Variants in CHD8 observed in about 807,000 individuals in gnomAD.
CHD8 encodes chromodomain helicase DNA binding protein 8.
Under a neutral mutation model 279.2 loss-of-function variants are expected in CHD8, and 31 were observed. The ratio of observed to expected loss-of-function variants is 0.11; its 90% confidence interval spans 0.08 to 0.15. The LOEUF is 0.15. Among genes scored for constraint, CHD8 ranks in the 10% least tolerant of loss-of-function variants. The pLI, the probability that CHD8 is intolerant of heterozygous loss-of-function variation, is 1.00. For missense variants in CHD8, 2,146 were observed against 3,230.5 expected, an observed-to-expected ratio of 0.66 and a Z score of 8.14; for synonymous variants, 1,081 against 1,139.6, an observed-to-expected ratio of 0.95 and a Z score of 1.04.
chr14:21,454,610 G>A (rs1284528611), intron 1 of CHD8, among the ~76,000 whole-genome samples: 2 of 152,130 alleles, frequency 1.3e-5, no homozygotes, highest in Non-Finnish European at 2.9e-5. Flanking sequence ...TTACAAGCGT[G>A]AGCCACTATT....
chr14:21,421,803 C>T (rs1490996732), intron 5 of CHD8, among the ~76,000 whole-genome samples: 1 of 152,136 alleles, frequency 6.6e-6, no homozygotes, highest in Non-Finnish European at 1.5e-5. Flanking sequence ...GGGAATAGGG[C>T]TTCCAACGGT....
At chr14:21,414,831 G>A (rs1594358488) in intron 8 of CHD8, 107 bp downstream of exon 8, 2 of 779,062 alleles carry the variant, frequency 2.6e-6, no homozygotes, top group Non-Finnish European at 4.3e-6. Context: ...AGCAACCTGG[G>A]CTACAAGACT....
In CHD8 at chr14:21,390,936, A is replaced by G. The variant is rs371316387; in HGVS notation, c.7182+11T>C. The G allele has an allele frequency of 4.2e-6, 6 of 1,422,178 alleles. No homozygotes were observed. In the Middle Eastern group the frequency reaches 7.0e-4, roughly 166 times the overall value. The allele number at this position is 1,422,178 out of a possible 1,614,324, so 88.1% of individuals were successfully genotyped here. A position where few individuals can be genotyped will look rare whatever the true frequency, so the allele number is the denominator to read the frequency against. ...GTGGGAATAGAGTGGTAATGCTGCA[A>G]TTTCTCTCACCTTTTTCCCATTTCT... On this transcript the variant is annotated intron_variant, in intron 37 of 37. Coordinates refer to ENST00000646647, the MANE Select transcript of CHD8 (RefSeq NM_001170629.2).
At chr14:21,395,425 T>G in intron 28 of CHD8, 73 bp from the exon 29 acceptor site, 1 of 1,036,948 alleles carries the variant, frequency 9.6e-7, no homozygotes, top group South Asian at 1.4e-5. Flanking sequence ...CTGAAATCAC[T>G]TTCTTGTGTG....
chr14:21,421,366 T>C (rs1320007681), intron 5 of CHD8, among the ~76,000 whole-genome samples: 1 of 151,772 alleles, frequency 6.6e-6, no homozygotes, highest in Non-Finnish European at 1.5e-5. Flanking sequence ...CTTCATTGTT[T>C]TTAACTGCCA....
intron 10 of CHD8, among the ~76,000 whole-genome samples, chr14:21,410,802 T>C (rs957408143): frequency 6.6e-6 from 1 of 152,268 alleles, no homozygotes; most frequent in Admixed American, 6.5e-5. Flanking sequence ...TATGTGAAAG[T>C]GCCTCAAGGT....
chr14:21,399,028 G>A, intron 26 of CHD8: 1 of 402,812 alleles, frequency 2.5e-6, no homozygotes. Context: ...GACAAGGAGG[G>A]CATCCCACCT....
At chr14:21,399,274 T>C (rs532138524) in intron 26 of CHD8, 1 of 309,948 alleles carries the variant, frequency 3.2e-6, no homozygotes, top group Admixed American at 4.3e-5. Context: ...TGATTATTAT[T>C]AACAATAGTT....
intron 1 of CHD8, among the ~76,000 whole-genome samples, chr14:21,455,487 T>G (rs935056273): frequency 3.9e-5 from 6 of 151,998 alleles, no homozygotes; most frequent in Admixed American, 3.9e-4. Flanking sequence ...CTAAACATTC[T>G]CCAACAGCCT....
chr14:21,393,391 C>T (rs1887633979), intron 32 of CHD8, 85 bp downstream of exon 32: 2 of 1,501,494 alleles, frequency 1.3e-6, no homozygotes, highest in South Asian at 2.7e-5. Context: ...ATCCAAATCT[C>T]TCTCAAGAGG....
chr14:21,391,980 AT>A (rs1566410696), intron 34 of CHD8, 34 bp from the exon 35 acceptor site: 5 of 1,419,404 alleles, frequency 3.5e-6, no homozygotes, highest in Non-Finnish European at 5.0e-6. Flanking sequence ...AAGACATCAT[AT>A]GGTACATGTT....
intron 33 of CHD8, 121 bp downstream of exon 33, chr14:21,392,985 A>AAC: frequency 6.3e-6 from 8 of 1,263,864 alleles, no homozygotes; most frequent in Non-Finnish European, 8.6e-6. Flanking sequence ...AAAAAAAAAA[A>AAC]AAAACTTGCA....
rs377431445 is a variant in CHD8, at chr14:21,399,723, C to A, written c.4818-18G>T. On this transcript the variant is annotated intron_variant, in intron 25 of 37. Coordinates refer to ENST00000646647, the MANE Select transcript of CHD8 (RefSeq NM_001170629.2). ...CAATCTCACTAAAGGTATAAGAGGGCAGAGTCAGCACAGAAATGCAGGAAA... is the reference window on the plus strand; with the variant it reads ...CAATCTCACTAAAGGTATAAGAGGGAAGAGTCAGCACAGAAATGCAGGAAA... 6.7e-7 allele frequency: 1 copy of A among 1,503,504 alleles called. No individual in the cohort carries two copies. Among genetic ancestry groups the A allele is most frequent in the Non-Finnish European group, 9.3e-7 (1 of 1,079,600 alleles). 93.1% of individuals were successfully genotyped at this position (1,503,504 alleles called of 1,614,324 possible). A position where few individuals can be genotyped will look rare whatever the true frequency, so the allele number is the denominator to read the frequency against.
At chr14:21,448,773 C>T (rs1890185502) in intron 1 of CHD8, among the ~76,000 whole-genome samples, 1 of 151,040 alleles carries the variant, frequency 6.6e-6, no homozygotes, top group Non-Finnish European at 1.5e-5. Flanking sequence ...TCATGTTGGT[C>T]AGGCTGGTCT....
Position 21,414,940 on chromosome 14 carries a change from G to A in CHD8, c.2022C>T (p.Asn674=). The A allele has an allele frequency of 6.2e-7, 1 of 1,601,748 alleles. No individual in the cohort carries two copies. Among genetic ancestry groups the A allele is most frequent in the Non-Finnish European group, 8.5e-7 (1 of 1,173,086 alleles). ...EAEEFFVKYK[N]YSYLHCEWAT... Reference sequence around the variant, plus strand: ...AGCTTTTTGCACAGATCACGTACTAGTTCTTGTACTTGACAAAGAATTCTT... The same window carrying A: ...AGCTTTTTGCACAGATCACGTACTAATTCTTGTACTTGACAAAGAATTCTT... The change falls in exon 8 of 38, where the codon AAC becomes AAT. Residue 674 remains asparagine, a splice_region_variant and synonymous_variant. Transcript: ENST00000646647.
Position 21,408,270 on chromosome 14 carries a change from G to T in CHD8, c.2730+42C>A. The T allele has an allele frequency of 6.3e-7, 1 of 1,591,624 alleles. No homozygotes were observed. Among genetic ancestry groups the T allele is most frequent in the South Asian group, 1.1e-5 (1 of 90,298 alleles). The stretch of plus-strand genomic sequence containing the variant: ...CCTTAAAATACCAGGTACCTTGGCC[G>T]ACTTTCTCTAACTCATAGTATTCCC... On this transcript the variant is annotated intron_variant, in intron 13 of 37. Coordinates refer to ENST00000646647, the MANE Select transcript of CHD8 (RefSeq NM_001170629.2). This position sits in a 1 kb window ranked among gnomAD's most constrained non-coding sequence, Gnocchi z 4.3.
chr14:21,386,838 A>G (rs1407423574), intron 37 of CHD8, among the ~76,000 whole-genome samples: 1 of 37,018 alleles, frequency 2.7e-5, no homozygotes, highest in Non-Finnish European at 6.4e-5. Context: ...CTCCGTCTCA[A>G]AAAAAAAAAA....
rs1215713673 is a variant in CHD8 at position 21,410,704 on chromosome 14, G to A, written c.2227-716C>T. Among the ~76,000 whole-genome samples the A allele has an allele frequency of 7.2e-5, 11 of 152,280 alleles. 3 individuals carry two copies. The highest frequency in any genetic ancestry group is 6.5e-4 in the Admixed American group (10 of 15,296). On this transcript the variant is annotated intron_variant, in intron 10 of 37. Coordinates refer to ENST00000646647, the MANE Select transcript of CHD8 (RefSeq NM_001170629.2). ...TGCATCTCCATTTTTGGCTTATGAAGTATAAAGCAAGGATTAGATTGGGCC... is the reference window on the plus strand; with the variant it reads ...TGCATCTCCATTTTTGGCTTATGAAATATAAAGCAAGGATTAGATTGGGCC...
At chr14:21,418,538 A>G (rs571170162) in intron 5 of CHD8, among the ~76,000 whole-genome samples, 179 of 136,098 alleles carry the variant, frequency 1.3e-3, no homozygotes, top group African/African-American at 4.1e-3. Flanking sequence ...TAAAATAGCC[A>G]GGCGCGGTGG....
Sources: gnomAD v4.1 joint callset for allele counts (sites outside exome capture counted in the v4.1 genomes callset) on GRCh38, gnomAD v4.1.1 for gene constraint, Gnocchi (gnomAD v3.1) non-coding constraint, MANE v1.5 for transcripts, NCBI Gene and HGNC (gene_info 2026-07-23, HGNC 2026-07-21) for gene names.